C4orf51: variants seen among roughly 807,000 people sequenced by gnomAD.
C4orf51 encodes the protein chromosome 4 open reading frame 51, also known as uncharacterized protein C4orf51.
Under a neutral mutation model 25.2 loss-of-function variants are expected in C4orf51, and 25 were observed. The observed-to-expected ratio is 0.99, with a 90% CI of 0.72 to 1.39. The LOEUF (loss-of-function observed/expected upper bound fraction) is 1.39. Among genes scored for constraint, C4orf51 ranks in the 40% most tolerant of loss-of-function variants. C4orf51 has a pLI of 0.00. For synonymous variants in C4orf51, 100 were observed against 84.5 expected (o/e 1.18, Z -1.01); for missense variants, 252 against 239.6 (o/e 1.05, Z -0.34).
At chr4:145,712,376 T>G (rs1217563883) in intron 2 of C4orf51, among the ~76,000 whole-genome samples, 1 of 152,198 alleles carries the variant, frequency 6.6e-6, no homozygotes, top group Non-Finnish European at 1.5e-5. Flanking sequence ...AAAAAGTTCT[T>G]GAAGGAAATT....
intron 2 of C4orf51, among the ~76,000 whole-genome samples, chr4:145,703,428 C>T (rs1354512029): frequency 6.6e-6 from 1 of 152,168 alleles, no homozygotes; most frequent in Non-Finnish European, 1.5e-5. Flanking sequence ...ACTCAGCCCA[C>T]CTGTACCCAG....
intron 1 of C4orf51, among the ~76,000 whole-genome samples, chr4:145,770,585 C>T (rs1282065534): frequency 6.6e-6 from 1 of 151,426 alleles, no homozygotes; most frequent in African/African-American, 2.4e-5. Flanking sequence ...TATTATAAAA[C>T]ATACATAATA....
intron 1 of C4orf51, among the ~76,000 whole-genome samples, chr4:145,746,352 A>G (rs964564791): frequency 1.3e-5 from 2 of 152,158 alleles, no homozygotes; most frequent in Admixed American, 1.3e-4. Flanking sequence ...TTGAGATCTT[A>G]GATACTAGTC....
intron 5 of C4orf51, 124 bp downstream of exon 5, chr4:145,730,089 T>C: frequency 1.3e-6 from 1 of 763,552 alleles, no homozygotes; most frequent in Non-Finnish European, 2.2e-6. Context: ...GGTATAAAAG[T>C]ATTCCCTAAG....
At chr4:145,699,283 C>A (rs771209439) in intron 2 of C4orf51, among the ~76,000 whole-genome samples, 1 of 100,718 alleles carries the variant, frequency 9.9e-6, no homozygotes, top group African/African-American at 4.2e-5. Flanking sequence ...AATTTGGTGC[C>A]GTGACTTGGA....
At chr4:145,696,036 G>T (rs1730027837) in intron 1 of C4orf51, among the ~76,000 whole-genome samples, 2 of 152,182 alleles carry the variant, frequency 1.3e-5, no homozygotes, top group African/African-American at 4.8e-5. Flanking sequence ...CAGCAAGGTG[G>T]GCAAATCACG....
Position 145,765,547 on chromosome 4 carries a change from C to G in C4orf51, n.167-5441C>G. On this transcript the variant is annotated intron_variant and non_coding_transcript_variant, in intron 1 of 1. Transcript: ENST00000510096. This position sits in a 1 kb window ranked among gnomAD's most constrained non-coding sequence, Gnocchi z 4.7. ...AGGCTCACACCCACCTCCTCCTTACCTTTCTCTGGCTTTTCCTCACTGTTC... is the reference window on the plus strand; with the variant it reads ...AGGCTCACACCCACCTCCTCCTTACGTTTCTCTGGCTTTTCCTCACTGTTC... The G allele has an allele frequency of 6.2e-7, 1 of 1,610,380 alleles. No homozygotes were observed. Among genetic ancestry groups the G allele is most frequent in the Non-Finnish European group, 8.5e-7 (1 of 1,178,062 alleles).
intron 1 of C4orf51, among the ~76,000 whole-genome samples, chr4:145,743,869 T>A (rs1157801467): frequency 3.3e-5 from 5 of 152,242 alleles, no homozygotes; most frequent in Non-Finnish European, 7.3e-5. Flanking sequence ...CCAATTTTTC[T>A]GTGTATGGAA....
chr4:145,723,601 G>A (rs1485102251), intron 2 of C4orf51, among the ~76,000 whole-genome samples: 1 of 152,112 alleles, frequency 6.6e-6, no homozygotes, highest in Non-Finnish European at 1.5e-5. Context: ...TGGAATTACA[G>A]GAAATACAGG....
At chr4:145,696,754 C>A in intron 2 of C4orf51, 122 bp downstream of exon 2, 1 of 741,492 alleles carries the variant, frequency 1.3e-6, no homozygotes, top group Non-Finnish European at 2.2e-6. Flanking sequence ...AATTGTAGGC[C>A]GGGCACTGTG....
At chr4:145,791,445 C>T in the C4orf51 span, among the ~76,000 whole-genome samples, 1 of 152,072 alleles carries the variant, frequency 6.6e-6, no homozygotes, top group Non-Finnish European at 1.5e-5. Flanking sequence ...TTAGACCATA[C>T]CACTTTGTTA....
intron 1 of C4orf51, chr4:145,764,750 TGCCCTGA>T: frequency 3.6e-6 from 2 of 555,050 alleles, no homozygotes; most frequent in African/African-American, 1.9e-5. Context: ...TCTTTTTTCT[TGCCCTGA>T]ATCCCGGGGT....
intron 2 of C4orf51, among the ~76,000 whole-genome samples, chr4:145,707,112 T>C (rs1730859011): frequency 1.3e-5 from 2 of 151,934 alleles, no homozygotes; most frequent in African/African-American, 4.8e-5. Flanking sequence ...CCAATTTTTT[T>C]TATTTTTTAG....
chr4:145,731,330 C>T (rs749177096), intron 5 of C4orf51, among the ~76,000 whole-genome samples: 8 of 152,240 alleles, frequency 5.3e-5, no homozygotes, highest in Non-Finnish European at 1.0e-4. Flanking sequence ...CAACCCCTCC[C>T]AGAAAGGGAA....
chr4:145,726,511 C>G (rs544492914), intron 2 of C4orf51, among the ~76,000 whole-genome samples: 3 of 152,228 alleles, frequency 2.0e-5, no homozygotes, highest in African/African-American at 7.2e-5. Flanking sequence ...AGGCAATCCT[C>G]CTGCCTTAGC....
chr4:145,709,218 T>G (rs1009448845), intron 2 of C4orf51, among the ~76,000 whole-genome samples: 1 of 151,810 alleles, frequency 6.6e-6, no homozygotes, highest in Non-Finnish European at 1.5e-5. Context: ...GGGTTCTAAC[T>G]CAAAAAAAAG....
intron 1 of C4orf51, among the ~76,000 whole-genome samples, chr4:145,768,172 C>T (rs1225753379): frequency 2.0e-5 from 3 of 152,086 alleles, no homozygotes; most frequent in African/African-American, 7.2e-5. Flanking sequence ...TAAAGATGTA[C>T]TCTTTTTTTG....
intron 1 of C4orf51, among the ~76,000 whole-genome samples, chr4:145,689,572 G>C (rs78916756): frequency 1.5e-3 from 227 of 152,102 alleles, no homozygotes; most frequent in African/African-American, 4.9e-3. Flanking sequence ...GCTCAACCAC[G>C]TTAGGAATCA....
intron 1 of C4orf51, chr4:145,760,749 CTCTGTTTTTG>C (rs1734366611): frequency 1.4e-6 from 1 of 695,442 alleles, no homozygotes; most frequent in African/African-American, 2.2e-5. Flanking sequence ...TCTTTTGTCT[CTCTGTTTTTG>C]GTACAGAACA....
Sources: allele counts gnomAD v4.1 joint callset (sites outside exome capture counted in the v4.1 genomes callset), GRCh38; gene constraint gnomAD v4.1.1; non-coding constraint Gnocchi (gnomAD v3.1); transcripts MANE v1.5; gene names NCBI Gene and HGNC (gene_info 2026-07-23, HGNC 2026-07-21).